Variants in OR4E2 observed in about 807,000 individuals in gnomAD.
OR4E2 encodes olfactory receptor family 4 subfamily E member 2, also known as olfactory receptor 4E2.
A neutral mutation model predicts 11.0 loss-of-function variants in OR4E2; 9 were observed. The observed-to-expected ratio is 0.82, with a 90% CI of 0.49 to 1.43. The LOEUF is 1.43. Ranked by LOEUF, OR4E2 falls within the 40% of genes most tolerant of loss-of-function variation. The pLI is 0.00. For missense variants in OR4E2, 441 were observed against 382.0 expected, an observed-to-expected ratio of 1.15 and a Z score of -1.29; for synonymous variants, 159 against 147.3, an observed-to-expected ratio of 1.08 and a Z score of -0.57.
intron 3 of OR4E2, among the ~76,000 whole-genome samples, chr14:21,661,316 G>T (rs549881458): frequency 6.6e-6 from 1 of 152,100 alleles, no homozygotes; most frequent in African/African-American, 2.4e-5. Context: ...ATATGTTGAA[G>T]CATATGCATG....
intron 2 of OR4E2, among the ~76,000 whole-genome samples, chr14:21,657,103 T>C (rs573717354): frequency 6.6e-6 from 1 of 152,238 alleles, no homozygotes; most frequent in Non-Finnish European, 1.5e-5. Context: ...TCTTTTTTAC[T>C]GGCAGATGGC....
intron 3 of OR4E2, among the ~76,000 whole-genome samples, chr14:21,663,775 G>T (rs756204666): frequency 6.6e-6 from 1 of 152,164 alleles, no homozygotes; most frequent in Non-Finnish European, 1.5e-5. Context: ...CAGGTATTAA[G>T]CCCAGACCTC....
chr14:21,660,309 C>A (rs1192478117), intron 2 of OR4E2, among the ~76,000 whole-genome samples: 1 of 152,210 alleles, frequency 6.6e-6, no homozygotes, highest in Non-Finnish European at 1.5e-5. Flanking sequence ...CACTCACCTC[C>A]TGCTGTGCAG....
intron 3 of OR4E2, among the ~76,000 whole-genome samples, chr14:21,664,824 G>C (rs1031469104): frequency 6.6e-6 from 1 of 152,102 alleles, no homozygotes; most frequent in African/African-American, 2.4e-5. Flanking sequence ...TCTTGTAAAG[G>C]CTCACTGATC....
Position 21,665,705 on chromosome 14 carries a change from T to C in OR4E2, c.623T>C (p.Leu208Pro). 1.2e-6 allele frequency: 2 copies of C among 1,614,150 alleles called. No individual in the cohort carries two copies. Among genetic ancestry groups the C allele is most frequent in the South Asian group, 2.2e-5 (2 of 91,066 alleles). The stretch of plus-strand genomic sequence containing the variant: ...GTGACCAATAGTGGAACCATCTCCC[T>C]CTCCTGTTTCTTGGCCGTGGTCACC... Reference protein sequence around the residue: ...LIVTNSGTISLSCFLAVVTSY... With the variant: ...LIVTNSGTISPSCFLAVVTSY... Residue 208 changes from leucine to proline, a missense_variant, in exon 4 of 4, where the codon CTC becomes CCC. Leu to Pro is a moderately conservative substitution (Grantham distance 98). Transcript: ENST00000641524.
chr14:21,664,777 A>G (rs960161319), intron 3 of OR4E2, among the ~76,000 whole-genome samples: 2 of 152,196 alleles, frequency 1.3e-5, no homozygotes, highest in African/African-American at 4.8e-5. Context: ...GAAAAGAGCC[A>G]AATAACTAAT....
chr14:21,664,196 T>C (rs1257656663), intron 3 of OR4E2, among the ~76,000 whole-genome samples: 1 of 152,248 alleles, frequency 6.6e-6, no homozygotes, highest in East Asian at 1.9e-4. Context: ...CCACAATGGT[T>C]GAACTAATTT....
chr14:21,662,182 T>A (rs555511896), intron 3 of OR4E2, among the ~76,000 whole-genome samples: 2 of 152,326 alleles, frequency 1.3e-5, no homozygotes, highest in East Asian at 3.9e-4. Flanking sequence ...TCTTTTCTTA[T>A]CAAGTTTTAA....
chr14:21,655,656 G>GAGC lies in OR4E2; in HGVS notation c.-190-844_-190-842dup. ...CCATTGTATTACAGCCTGGGTGACA[G>GAGC]AGCAAGACTCTGTCCCTAAAAAAAG... On this transcript the variant is annotated intron_variant, in intron 1 of 3. Coordinates refer to ENST00000641524, the MANE Select transcript of OR4E2 (RefSeq NM_001001912.3). Among the ~76,000 whole-genome samples, 3 of 152,192 alleles carry GAGC rather than the reference G, an allele frequency of 2.0e-5. 1 individual carries two copies. The South Asian group carries it at 6.2e-4, about 32-fold the overall frequency.
At chr14:21,658,857 A>G (rs1472710960) in intron 2 of OR4E2, among the ~76,000 whole-genome samples, 1 of 151,994 alleles carries the variant, frequency 6.6e-6, no homozygotes, top group Admixed American at 6.6e-5. Context: ...TACAATACAC[A>G]ATACTGATGT....
chr14:21,662,722 T>C (rs1322722849), intron 3 of OR4E2, among the ~76,000 whole-genome samples: 1 of 152,222 alleles, frequency 6.6e-6, no homozygotes, highest in African/African-American at 2.4e-5. Flanking sequence ...GTAAGCCCCA[T>C]GACATTGTTC....
At chr14:21,661,528 G>A (rs1307754471) in intron 3 of OR4E2, among the ~76,000 whole-genome samples, 1 of 152,146 alleles carries the variant, frequency 6.6e-6, no homozygotes, top group Admixed American at 6.5e-5. Flanking sequence ...AATCTTGGCT[G>A]CACACTGGAC....
chr14:21,659,359 A>G lies in OR4E2; in HGVS notation c.-102-1294A>G, dbSNP rs537005605. ...TACTTTTAAAACATTAAAAAAATTA[A>G]TTCAATAAGTATTCAGTGAGTTCTT... On this transcript the variant is annotated intron_variant, in intron 2 of 3. Coordinates refer to ENST00000641524, the MANE Select transcript of OR4E2 (RefSeq NM_001001912.3). Among the ~76,000 whole-genome samples the G allele has an allele frequency of 1.4e-3, 220 of 152,330 alleles. 1 individual carries two copies. In the South Asian group the frequency reaches 0.017, roughly 12 times the overall value.
chr14:21,654,152 C>T (rs1474736027), intron 1 of OR4E2, among the ~76,000 whole-genome samples: 1 of 152,038 alleles, frequency 6.6e-6, no homozygotes, highest in East Asian at 1.9e-4. Context: ...ATAATGTGAT[C>T]ATGATTATTG....
intron 1 of OR4E2, among the ~76,000 whole-genome samples, chr14:21,654,425 C>T (rs1048680845): frequency 1.2e-4 from 17 of 146,702 alleles, no homozygotes; most frequent in Admixed American, 2.0e-4. Flanking sequence ...TGCACACACA[C>T]GCTGCATGCA....
chr14:21,658,148 A>G (rs1880118162), intron 2 of OR4E2, among the ~76,000 whole-genome samples: 2 of 152,350 alleles, frequency 1.3e-5, no homozygotes, highest in Admixed American at 1.3e-4. Flanking sequence ...AGTAATAGAA[A>G]GGCCTAGGGA....
At chr14:21,655,790 C>G (rs1258866997) in intron 1 of OR4E2, among the ~76,000 whole-genome samples, 1 of 151,794 alleles carries the variant, frequency 6.6e-6, no homozygotes, top group Admixed American at 6.6e-5. Flanking sequence ...TACTTTTTTT[C>G]TATAAAAAAA....
chr14:21,662,581 T>G (rs142607610), intron 3 of OR4E2, among the ~76,000 whole-genome samples: 5,174 of 152,338 alleles, frequency 0.034, 185 homozygotes, highest in Admixed American at 0.11. Context: ...ATTACAGGCA[T>G]GAGCCACCAC....
intron 3 of OR4E2, among the ~76,000 whole-genome samples, chr14:21,661,788 A>G (rs2139807362): frequency 6.6e-6 from 1 of 152,326 alleles, no homozygotes; most frequent in East Asian, 1.9e-4. Context: ...CTATTGAGAA[A>G]CATTCAGTTT....
Sources: allele counts gnomAD v4.1 joint callset (sites outside exome capture counted in the v4.1 genomes callset), GRCh38; gene constraint gnomAD v4.1.1; transcripts MANE v1.5; gene names NCBI Gene and HGNC (gene_info 2026-07-23, HGNC 2026-07-21).